Variants in CNTN4 observed in about 807,000 individuals in gnomAD.
CNTN4 encodes the protein contactin 4.
A neutral mutation model predicts 122.5 loss-of-function variants in CNTN4; 77 were observed. That is an observed-to-expected ratio of 0.63 (90% confidence interval 0.52 to 0.76). The LOEUF (loss-of-function observed/expected upper bound fraction) is 0.76. Ranked by LOEUF, CNTN4 falls within the 30% of genes least tolerant of loss-of-function variation. CNTN4 has a pLI of 0.00. For missense variants in CNTN4, 1,256 were observed against 1,259.1 expected, an observed-to-expected ratio of 1.00 and a Z score of 0.04; for synonymous variants, 512 against 447.0, an observed-to-expected ratio of 1.15 and a Z score of -1.83.
chr3:2,791,302 C>T lies in CNTN4; in HGVS notation c.359-28184C>T, dbSNP rs534517691. Among the ~76,000 whole-genome samples the T allele has an allele frequency of 2.2e-4, 34 of 152,198 alleles. 1 individual carries two copies. The highest frequency in any genetic ancestry group is 5.8e-4 in the African/African-American group (24 of 41,530). On this transcript the variant is annotated intron_variant, in intron 6 of 24. Coordinates refer to ENST00000418658, the MANE Select transcript of CNTN4 (RefSeq NM_175607.3). Reference sequence around the variant, plus strand: ...ATCCCAGGACAGTGGGAAGCCAAGGCGGGCTGATCACTTGAGCCCAGGAGT... The same window carrying T: ...ATCCCAGGACAGTGGGAAGCCAAGGTGGGCTGATCACTTGAGCCCAGGAGT...
intron 4 of CNTN4, 85 bp from the exon 5 acceptor site, chr3:2,736,130 T>C: frequency 7.4e-7 from 1 of 1,354,844 alleles, no homozygotes; most frequent in East Asian, 2.3e-5. Context: ...TTTCTTTCTA[T>C]TATTTTCCTT....
intron 4 of CNTN4, among the ~76,000 whole-genome samples, chr3:2,667,773 G>T (rs6805415): frequency 7.2e-6 from 1 of 138,750 alleles, no homozygotes; most frequent in South Asian, 2.4e-4. Flanking sequence ...TTTGTATAAG[G>T]TGTAAGGAAG....
At chr3:2,757,330 T>C (rs1000995518) in intron 6 of CNTN4, among the ~76,000 whole-genome samples, 5 of 152,166 alleles carry the variant, frequency 3.3e-5, no homozygotes, top group Admixed American at 2.0e-4. Context: ...CCTTTCTCCA[T>C]AGGGCAATGA....
intron 6 of CNTN4, among the ~76,000 whole-genome samples, chr3:2,784,230 C>T (rs2091719660): frequency 1.3e-5 from 2 of 152,048 alleles, no homozygotes; most frequent in African/African-American, 4.8e-5. Context: ...GGATACAAGG[C>T]CAAAAGAGAC....
At chr3:2,629,586 T>C (rs1034201218) in intron 4 of CNTN4, 2 of 451,522 alleles carry the variant, frequency 4.4e-6, no homozygotes, top group Non-Finnish European at 8.9e-6. Flanking sequence ...GCTGGTGAGT[T>C]GACTTTATAA....
intron 10 of CNTN4, among the ~76,000 whole-genome samples, chr3:2,899,417 G>A (rs1375960486): frequency 1.3e-5 from 2 of 152,150 alleles, no homozygotes; most frequent in African/African-American, 2.4e-5. Context: ...ACCTTGGTAG[G>A]CATTACCCTG....
intron 12 of CNTN4, among the ~76,000 whole-genome samples, chr3:2,905,425 A>G (rs2094218890): frequency 6.6e-6 from 1 of 152,214 alleles, no homozygotes; most frequent in Non-Finnish European, 1.5e-5. Context: ...CTGTGTTTGC[A>G]CATGGCAGAA....
rs1332383521 is a variant in CNTN4, at chr3:3,046,124, T to C, written c.2811+2420T>C. The stretch of plus-strand genomic sequence containing the variant: ...ACAAAGCCTCCAAGAAATAAGGGAC[T>C]ATGTGAAAAGACCAAATCTACGTCT... On this transcript the variant is annotated intron_variant, in intron 23 of 24. Transcript: ENST00000418658. 2.0e-5 allele frequency among the ~76,000 whole-genome samples: 3 copies of C among 152,184 alleles called. No individual in the cohort carries two copies. In the East Asian group the frequency reaches 5.8e-4, roughly 29 times the overall value.
At chr3:2,888,969 A>G (rs1327717585) in intron 10 of CNTN4, among the ~76,000 whole-genome samples, 2 of 151,980 alleles carry the variant, frequency 1.3e-5, no homozygotes, top group Non-Finnish European at 2.9e-5. Context: ...CAGAATGGCC[A>G]CCAGGCAGAC....
intron 3 of CNTN4, among the ~76,000 whole-genome samples, chr3:2,431,967 T>G (rs2151205579): frequency 6.6e-6 from 1 of 152,298 alleles, no homozygotes; most frequent in African/African-American, 2.4e-5. Context: ...ATAGGCCAGA[T>G]TATCTCATCT....
At chr3:2,592,732 A>G (rs985961327) in intron 4 of CNTN4, among the ~76,000 whole-genome samples, 1 of 152,224 alleles carries the variant, frequency 6.6e-6, no homozygotes, top group African/African-American at 2.4e-5. Flanking sequence ...CATCTTGGGC[A>G]TGTCTTCATC....
intron 2 of CNTN4, among the ~76,000 whole-genome samples, chr3:2,234,884 GC>G (rs1473945496): frequency 1.3e-5 from 2 of 152,100 alleles, no homozygotes; most frequent in Non-Finnish European, 2.9e-5. Context: ...TCAAGTTTAT[GC>G]TAACTGGAGA....
chr3:2,628,204 G>A (rs1369008575), intron 4 of CNTN4, among the ~76,000 whole-genome samples: 2 of 152,104 alleles, frequency 1.3e-5, no homozygotes, highest in Non-Finnish European at 2.9e-5. Context: ...GTTTTGATCG[G>A]TACCCCTTTT....
intron 2 of CNTN4, among the ~76,000 whole-genome samples, chr3:2,265,977 A>T (rs2041027824): frequency 6.6e-6 from 1 of 152,080 alleles, no homozygotes. Flanking sequence ...TGGAGTCTTT[A>T]GATTTCCTAA....
At chr3:2,591,390 A>T (rs2149661671) in intron 4 of CNTN4, among the ~76,000 whole-genome samples, 1 of 72,648 alleles carries the variant, frequency 1.4e-5, no homozygotes, top group East Asian at 3.8e-4. Flanking sequence ...TTTGAGACGG[A>T]GTCTCGCTCT....
At chr3:2,771,983 C>T (rs566985818) in intron 6 of CNTN4, among the ~76,000 whole-genome samples, 7 of 152,080 alleles carry the variant, frequency 4.6e-5, no homozygotes, top group Admixed American at 1.3e-4. Flanking sequence ...TGGATATGCA[C>T]GGGACATGGA....
intron 4 of CNTN4, among the ~76,000 whole-genome samples, chr3:2,581,916 T>G: frequency 6.6e-6 from 1 of 152,216 alleles, no homozygotes. Flanking sequence ...ATTGTATGAT[T>G]CCATTTATGG....
chr3:2,139,042 A>G (rs1424915985), intron 2 of CNTN4, among the ~76,000 whole-genome samples: 1 of 152,188 alleles, frequency 6.6e-6, no homozygotes, highest in Non-Finnish European at 1.5e-5. Context: ...TGGGTAGTGC[A>G]TCTTTTTTCC....
intron 14 of CNTN4, among the ~76,000 whole-genome samples, chr3:3,022,737 T>TA (rs1698407732): frequency 6.6e-6 from 1 of 152,178 alleles, no homozygotes; most frequent in Admixed American, 6.5e-5. Context: ...ATTTTTTTTT[T>TA]AACTCTAGGA....
Sources: allele counts gnomAD v4.1 joint callset (sites outside exome capture counted in the v4.1 genomes callset), GRCh38; gene constraint gnomAD v4.1.1; transcripts MANE v1.5; gene names NCBI Gene and HGNC (gene_info 2026-07-23, HGNC 2026-07-21).